Variants in NKAIN2 observed in about 807,000 individuals in gnomAD.
The protein encoded by NKAIN2 is sodium/potassium transporting ATPase interacting 2.
A neutral mutation model predicts 32.6 loss-of-function variants in NKAIN2; 14 were observed. That is an observed-to-expected ratio of 0.43 (90% CI 0.28 to 0.67). The LOEUF is 0.67. Among genes scored for constraint, NKAIN2 ranks in the 30% least tolerant of loss-of-function variants. The pLI, the probability that NKAIN2 is intolerant of heterozygous loss-of-function variation, is 0.17. For synonymous variants in NKAIN2, 80 were observed against 87.2 expected, an observed-to-expected ratio of 0.92 and a Z score of 0.46; for missense variants, 198 against 258.3, an observed-to-expected ratio of 0.77 and a Z score of 1.60.
At chr6:124,529,579 C>CT (rs1210294307) in intron 3 of NKAIN2, among the ~76,000 whole-genome samples, 1 of 152,136 alleles carries the variant, frequency 6.6e-6, no homozygotes, top group Non-Finnish European at 1.5e-5. Context: ...AAGGAAAACC[C>CT]TGCTTTGGCC....
At chr6:124,288,258 G>T (rs1412124293) in intron 2 of NKAIN2, among the ~76,000 whole-genome samples, 2 of 152,194 alleles carry the variant, frequency 1.3e-5, no homozygotes, top group Non-Finnish European at 2.9e-5. Context: ...AGGTTCTCCT[G>T]ACAACCAGTC....
At chr6:124,600,639 A>T (rs555359918) in intron 3 of NKAIN2, among the ~76,000 whole-genome samples, 1 of 152,206 alleles carries the variant, frequency 6.6e-6, no homozygotes, top group African/African-American at 2.4e-5. Context: ...TTTCTCTAAC[A>T]TATATTTGAT....
intron 1 of NKAIN2, among the ~76,000 whole-genome samples, chr6:124,152,423 T>C (rs140848460): frequency 6.6e-6 from 1 of 151,998 alleles, no homozygotes; most frequent in East Asian, 1.9e-4. Context: ...AAGATTGCCA[T>C]GGGGAAATGC....
chr6:124,192,807 T>C (rs1790092054), intron 1 of NKAIN2, among the ~76,000 whole-genome samples: 1 of 140,958 alleles, frequency 7.1e-6, no homozygotes, highest in Non-Finnish European at 1.5e-5. Context: ...TGGAGTGCAG[T>C]GGCACGATCT....
intron 2 of NKAIN2, among the ~76,000 whole-genome samples, chr6:124,345,273 A>G (rs1028592267): frequency 1.3e-5 from 2 of 152,150 alleles, no homozygotes; most frequent in Non-Finnish European, 2.9e-5. Flanking sequence ...ATGTTCATCA[A>G]GGATATTGGT....
chr6:124,711,230 G>A (rs1775435724), intron 4 of NKAIN2, among the ~76,000 whole-genome samples: 1 of 112,392 alleles, frequency 8.9e-6, no homozygotes, highest in African/African-American at 3.7e-5. Flanking sequence ...CCCTTTGAGG[G>A]TAACCCGACC....
chr6:124,005,339 A>C (rs1780035640), intron 1 of NKAIN2, among the ~76,000 whole-genome samples: 1 of 152,130 alleles, frequency 6.6e-6, no homozygotes, highest in Non-Finnish European at 1.5e-5. Context: ...GTTCCTAAAA[A>C]TGTTTGCAAT....
At chr6:123,835,388 A>G (rs879889090) in intron 1 of NKAIN2, among the ~76,000 whole-genome samples, 5 of 152,232 alleles carry the variant, frequency 3.3e-5, no homozygotes, top group Non-Finnish European at 5.9e-5. Flanking sequence ...CATTTTTTAA[A>G]AAATAGGAAA....
chr6:124,078,673 C>G (rs965877590), intron 1 of NKAIN2, among the ~76,000 whole-genome samples: 2 of 151,990 alleles, frequency 1.3e-5, no homozygotes, highest in African/African-American at 4.8e-5. Flanking sequence ...AAGAAGTTCT[C>G]TTGATTATAT....
intron 3 of NKAIN2, among the ~76,000 whole-genome samples, chr6:124,586,184 A>C (rs937391406): frequency 6.6e-6 from 1 of 152,214 alleles, no homozygotes; most frequent in Non-Finnish European, 1.5e-5. Flanking sequence ...TTGCCTTTCC[A>C]GAATGTCATA....
chr6:124,648,151 G>A (rs576667318), intron 3 of NKAIN2, among the ~76,000 whole-genome samples: 18 of 152,284 alleles, frequency 1.2e-4, no homozygotes, highest in African/African-American at 3.8e-4. Context: ...TGAAAAGAAA[G>A]CAGAAGGATT....
chr6:124,474,552 C>G (rs1777107635), intron 3 of NKAIN2, among the ~76,000 whole-genome samples: 1 of 152,056 alleles, frequency 6.6e-6, no homozygotes, highest in Non-Finnish European at 1.5e-5. Flanking sequence ...AGCACACACC[C>G]TTTACATACG....
rs969301438 is a variant in NKAIN2 at position 124,454,930 on chromosome 6, A to G, written c.273+99583A>G. Reference sequence around the variant, plus strand: ...TAAAGATAAGCACTCAGCCTTGACAATGTAAAATCTGAAAGGAGCAACTCA... The same window carrying G: ...TAAAGATAAGCACTCAGCCTTGACAGTGTAAAATCTGAAAGGAGCAACTCA... On this transcript the variant is annotated intron_variant, in intron 3 of 6. Transcript: ENST00000368417. Among the ~76,000 whole-genome samples the G allele has an allele frequency of 3.3e-5, 5 of 152,030 alleles. No individual in the cohort carries two copies. In the East Asian group the frequency reaches 9.7e-4, roughly 29 times the overall value.
intron 1 of NKAIN2, among the ~76,000 whole-genome samples, chr6:123,815,945 G>A (rs1773675584): frequency 6.6e-6 from 1 of 152,012 alleles, no homozygotes; most frequent in Admixed American, 6.6e-5. Context: ...CGTTAATATA[G>A]GGCAGCATGA....
At chr6:124,683,173 A>G (rs551935432) in intron 4 of NKAIN2, among the ~76,000 whole-genome samples, 1 of 152,334 alleles carries the variant, frequency 6.6e-6, no homozygotes, top group East Asian at 1.9e-4. Context: ...ATGAACCATG[A>G]GTAGAAAGTG....
At chr6:124,261,356 G>A (rs975160378) in intron 1 of NKAIN2, among the ~76,000 whole-genome samples, 1 of 152,108 alleles carries the variant, frequency 6.6e-6, no homozygotes, top group Non-Finnish European at 1.5e-5. Flanking sequence ...AAATCTCTAA[G>A]TTTACAGATG....
At chr6:124,144,572 C>T (rs1787298776) in intron 1 of NKAIN2, among the ~76,000 whole-genome samples, 1 of 151,602 alleles carries the variant, frequency 6.6e-6, no homozygotes. Context: ...CTGGAACATC[C>T]ACAATTAAAA....
chr6:123,976,372 C>CATATATAT lies in NKAIN2; in HGVS notation c.54+172155_54+172162dup, dbSNP rs60189624. 1.5e-3 allele frequency among the ~76,000 whole-genome samples: 16 copies of CATATATAT among 10,908 alleles called. 1 individual carries two copies. Among genetic ancestry groups the CATATATAT allele is most frequent in the Non-Finnish European group, 2.3e-3 (11 of 4,730 alleles). 7.2% of individuals were successfully genotyped at this position (10,908 alleles called of 152,430 possible). ...CCATATATATATATATATATATTCC[C>CATATATAT]ATATATATATATATATATATATATA... On this transcript the variant is annotated intron_variant, in intron 1 of 6. Coordinates refer to ENST00000368417, the MANE Select transcript of NKAIN2 (RefSeq NM_001040214.3).
chr6:124,190,435 C>G (rs1789959046), intron 1 of NKAIN2, among the ~76,000 whole-genome samples: 1 of 152,182 alleles, frequency 6.6e-6, no homozygotes, highest in African/African-American at 2.4e-5. Context: ...CTTCTGGAGA[C>G]TTATTATCAT....
Sources: allele counts gnomAD v4.1 joint callset (sites outside exome capture counted in the v4.1 genomes callset), GRCh38; gene constraint gnomAD v4.1.1; transcripts MANE v1.5; gene names NCBI Gene and HGNC (gene_info 2026-07-23, HGNC 2026-07-21).